Variants in TOGARAM1 observed in about 807,000 individuals in gnomAD.
The protein encoded by TOGARAM1 is TOG array regulator of axonemal microtubules protein 1.
In TOGARAM1, 100 loss-of-function variants were observed where a neutral mutation model predicts 166.6. That is an observed-to-expected ratio of 0.60 (90% CI 0.51 to 0.71). The LOEUF (loss-of-function observed/expected upper bound fraction) is 0.71, where lower values mean the gene tolerates loss of function less well. Among genes scored for constraint, TOGARAM1 ranks in the 30% least tolerant of loss-of-function variants. The pLI, the probability that TOGARAM1 is intolerant of heterozygous loss-of-function variation, is 0.00. For synonymous variants in TOGARAM1, 758 were observed against 763.8 expected (o/e 0.99, Z 0.13); for missense variants, 2,029 against 2,102.7 (o/e 0.96, Z 0.69).
At chr14:45,018,016 A>T (rs948970653) in intron 7 of TOGARAM1, among the ~76,000 whole-genome samples, 1 of 151,978 alleles carries the variant, frequency 6.6e-6, no homozygotes, top group African/African-American at 2.4e-5. Flanking sequence ...CCCTTACAAT[A>T]AAAAAAAGTG....
At chr14:45,002,398 A>G (rs1444490625) in intron 3 of TOGARAM1, among the ~76,000 whole-genome samples, 3 of 152,108 alleles carry the variant, frequency 2.0e-5, no homozygotes, top group African/African-American at 4.8e-5. Flanking sequence ...CTGGTTTTCT[A>G]TTGGAATAGT....
intron 16 of TOGARAM1, among the ~76,000 whole-genome samples, chr14:45,062,485 C>T (rs1403560017): frequency 3.3e-5 from 5 of 152,052 alleles, no homozygotes; most frequent in South Asian, 4.1e-4. Context: ...GTTACGGAGA[C>T]GTAATTCACC....
chr14:45,057,308 T>C (rs1348172894), intron 16 of TOGARAM1, among the ~76,000 whole-genome samples: 2 of 152,210 alleles, frequency 1.3e-5, no homozygotes, highest in African/African-American at 4.8e-5. Context: ...TTATTTCATT[T>C]AGTTCTCATC....
chr14:44,992,448 A>G (rs1199116969), intron 1 of TOGARAM1, among the ~76,000 whole-genome samples: 1 of 152,076 alleles, frequency 6.6e-6, no homozygotes, highest in Non-Finnish European at 1.5e-5. Context: ...CCAGGAGTAT[A>G]GGTGATTTCT....
intron 16 of TOGARAM1, among the ~76,000 whole-genome samples, chr14:45,064,383 G>A (rs566295922): frequency 2.0e-5 from 3 of 151,878 alleles, no homozygotes; most frequent in East Asian, 1.9e-4. Context: ...CTCCAGCCTC[G>A]GTCTTCCAAA....
intron 1 of TOGARAM1, among the ~76,000 whole-genome samples, chr14:44,964,770 C>T (rs529795422): frequency 6.6e-6 from 1 of 151,966 alleles, no homozygotes; most frequent in East Asian, 1.9e-4. Context: ...ACATTGAATA[C>T]CTAGTACGTG....
At chr14:45,051,179 T>C (rs920852156) in intron 14 of TOGARAM1, among the ~76,000 whole-genome samples, 1 of 152,222 alleles carries the variant, frequency 6.6e-6, no homozygotes, top group Non-Finnish European at 1.5e-5. Flanking sequence ...TTGAGATTAT[T>C]ACCTGTATTA....
chr14:45,045,617 G>A (rs1289202040), intron 13 of TOGARAM1, among the ~76,000 whole-genome samples: 116 of 33,146 alleles, frequency 3.5e-3, no homozygotes, highest in South Asian at 6.0e-3. Context: ...GTGTGTGTGT[G>A]TATATATATG....
chr14:44,963,327 C>A lies in TOGARAM1; in HGVS notation c.906C>A (p.Ala302=). 1 of 1,614,178 alleles carries A rather than the reference C, an allele frequency of 6.2e-7. No homozygotes were observed. The highest frequency in any genetic ancestry group is 1.1e-5 in the South Asian group (1 of 91,084). The stretch of plus-strand genomic sequence containing the variant: ...CTTACATTTCTCGTCTGCCCTCTGC[C>A]CTGAGGAGACACTACAATCGCCGCC... ...FQSYISRLPS[A]LRRHYNRRLE... The change falls in exon 1 of 20, where the codon GCC becomes GCA. Residue 302 remains alanine (A), a synonymous_variant. Coordinates refer to ENST00000361462, the MANE Select transcript of TOGARAM1 (RefSeq NM_001308120.2).
In TOGARAM1 at chr14:44,965,828, T is replaced by C. The variant is rs189429017; in HGVS notation, c.2046+1361T>C. 8.0e-4 allele frequency among the ~76,000 whole-genome samples: 122 copies of C among 152,234 alleles called. No individual in the cohort carries two copies. In the East Asian group the frequency reaches 0.02, roughly 25 times the overall value. On this transcript the variant is annotated intron_variant, in intron 1 of 19. Transcript: ENST00000361462. ...TGTGTTTAGCATCCACCAATGGTCT[T>C]TACCTGTATCATTTATTACACTGGG... is the stretch of plus-strand genomic sequence containing the variant.
intron 13 of TOGARAM1, among the ~76,000 whole-genome samples, chr14:45,045,307 G>A (rs529838180): frequency 1.1e-4 from 16 of 150,782 alleles, no homozygotes; most frequent in African/African-American, 3.2e-4. Context: ...TTTATCCCTC[G>A]CCCCCCTCCT....
chr14:44,999,461 C>G lies in TOGARAM1; in HGVS notation c.2302C>G (p.Gln768Glu), dbSNP rs781383925. ...GKTGSVGSDL[Q>E]FLGTTSSHQE... ...AACTGGCAGTGTGGGTTCTGACTTA[C>G]AATTCCTAGGGACAACTAGCAGTCA... The change falls in exon 3 of 20, where the codon CAA (glutamine) becomes GAA (glutamate). Residue 768 changes from glutamine to glutamate, a missense_variant. Gln to Glu is a conservative substitution (Grantham distance 29). This residue lies in a region of TOGARAM1 where 1,453 missense variants were observed against 1,432.2 expected (regional missense o/e 1.01). Coordinates refer to ENST00000361462, the MANE Select transcript of TOGARAM1 (RefSeq NM_001308120.2). 10 of 1,611,812 alleles carry G rather than the reference C, an allele frequency of 6.2e-6. No homozygotes were observed. The Admixed American group carries it at 1.5e-4, about 24-fold the overall frequency.
chr14:45,039,811 G>C (rs1485931455), intron 11 of TOGARAM1, among the ~76,000 whole-genome samples: 4 of 152,158 alleles, frequency 2.6e-5, no homozygotes, highest in African/African-American at 9.7e-5. Flanking sequence ...GCACCCAGGA[G>C]GTCAGGGCTC....
At chr14:44,992,963 AAAGACT>A (rs1887226077) in intron 1 of TOGARAM1, among the ~76,000 whole-genome samples, 1 of 151,630 alleles carries the variant, frequency 6.6e-6, no homozygotes, top group Non-Finnish European at 1.5e-5. Flanking sequence ...ATTCAAATAG[AAAGACT>A]AAGAGATAAT....
intron 1 of TOGARAM1, among the ~76,000 whole-genome samples, chr14:44,992,072 TAAAAAAAAAAAAAA>T (rs71108676): frequency 1.6e-4 from 6 of 37,952 alleles, no homozygotes; most frequent in East Asian, 2.1e-3. Context: ...CCCTGTCTGT[TAAAAAAAAAAAAAA>T]AAAAAAAAAA....
chr14:45,066,467 T>C, intron 16 of TOGARAM1, 111 bp from the exon 17 acceptor site: 2 of 1,001,168 alleles, frequency 2.0e-6, no homozygotes, highest in Non-Finnish European at 2.8e-6. Flanking sequence ...GTTTTTTGCA[T>C]TTTATGCATT....
At chr14:45,059,291 C>T (rs907449827) in intron 16 of TOGARAM1, among the ~76,000 whole-genome samples, 11 of 152,068 alleles carry the variant, frequency 7.2e-5, no homozygotes, top group Non-Finnish European at 1.3e-4. Flanking sequence ...GATCCTCCCA[C>T]GTTAGCTTTC....
intron 7 of TOGARAM1, among the ~76,000 whole-genome samples, chr14:45,022,720 G>A (rs1880595198): frequency 6.6e-6 from 1 of 151,778 alleles, no homozygotes; most frequent in African/African-American, 2.4e-5. Context: ...CCATACTCAG[G>A]GTCCTTCTGT....
At chr14:44,996,006 G>T in intron 2 of TOGARAM1, 104 bp downstream of exon 2, 1 of 809,050 alleles carries the variant, frequency 1.2e-6, no homozygotes, top group Non-Finnish European at 1.8e-6. Flanking sequence ...AGGCAGTTCA[G>T]ATTCAATAAG....
Sources: gnomAD v4.1 joint callset for allele counts (sites outside exome capture counted in the v4.1 genomes callset) on GRCh38, gnomAD v4.1.1 for gene constraint, gnomAD v4.1.1 regional missense constraint, MANE v1.5 for transcripts, NCBI Gene and HGNC (gene_info 2026-07-23, HGNC 2026-07-21) for gene names.